The following RASSF8 variants were observed in gnomAD, a reference collection of about 807,000 sequenced individuals.
RASSF8 encodes the protein ras association domain-containing protein 8.
A neutral mutation model predicts 48.5 loss-of-function variants in RASSF8; 22 were observed. That is an observed-to-expected ratio of 0.45 (90% CI 0.32 to 0.65). The LOEUF is 0.65. Ranked by LOEUF, RASSF8 falls within the 30% of genes least tolerant of loss-of-function variation. The pLI, the probability that RASSF8 is intolerant of heterozygous loss-of-function variation, is 0.03. For missense variants in RASSF8, 418 were observed against 489.2 expected (o/e 0.85, Z 1.37); for synonymous variants, 127 against 171.5 (o/e 0.74, Z 2.03).
At chr12:25,979,054 A>G (rs976599613) in intron 1 of RASSF8, among the ~76,000 whole-genome samples, 2 of 152,190 alleles carry the variant, frequency 1.3e-5, no homozygotes, top group African/African-American at 4.8e-5. Context: ...GATATTACCT[A>G]GAAGGCAGTA....
intron 3 of RASSF8, 122 bp from the exon 4 acceptor site, chr12:26,064,376 A>G: frequency 1.1e-6 from 1 of 927,284 alleles, no homozygotes; most frequent in Non-Finnish European, 1.6e-6. Context: ...AACCTGAACT[A>G]GACTCAAACT....
At chr12:25,959,599 A>G (rs1010876903) in intron 1 of RASSF8, 4 of 152,238 alleles carry the variant, frequency 2.6e-5, no homozygotes, top group African/African-American at 9.6e-5. Context: ...ATTTCATTTG[A>G]ACTATTAACC....
intron 3 of RASSF8, 142 bp downstream of exon 3, chr12:26,055,588 G>T: frequency 2.8e-6 from 2 of 724,996 alleles, no homozygotes; most frequent in South Asian, 1.7e-5. Context: ...ACTTATTACA[G>T]TTTGCCTGTG....
Position 26,072,264 on chromosome 12 carries a change from A to G in RASSF8, c.*3446A>G, listed in dbSNP as rs575890021. On this transcript the variant is annotated 3_prime_UTR_variant, in exon 6 of 6. Transcript: ENST00000689635. ...TCAGTTTTTTAAGTTGCATGTTTAT[A>G]CTATTTGCTACAGTATTTTTAAGTT... 9.2e-5 allele frequency: 90 copies of G among 978,012 alleles called. No individual in the cohort carries two copies. The highest frequency in any genetic ancestry group is 6.7e-5 in the Non-Finnish European group (55 of 823,296). The allele number at this position is 978,012 out of a possible 1,614,324, so 60.6% of individuals were successfully genotyped here.
At chr12:26,016,883 T>A (rs1332388416) in intron 2 of RASSF8, among the ~76,000 whole-genome samples, 4 of 152,188 alleles carry the variant, frequency 2.6e-5, no homozygotes, top group Non-Finnish European at 4.4e-5. Context: ...TTAGTTGAGA[T>A]CTTTTTCTTT....
chr12:25,996,202 G>A (rs948785353), intron 2 of RASSF8, among the ~76,000 whole-genome samples: 18 of 152,078 alleles, frequency 1.2e-4, no homozygotes, highest in Admixed American at 2.0e-4. Context: ...TTATATCCAC[G>A]TGAGAGTCAA....
chr12:26,073,317 C>T (rs1283561287), downstream of RASSF8, among the ~76,000 whole-genome samples: 1 of 152,180 alleles, frequency 6.6e-6, no homozygotes, highest in East Asian at 1.9e-4. Context: ...TTCTGTATTC[C>T]ATGGTAGAGA....
At position 26,072,605 on chromosome 12, in the gene RASSF8, G is replaced by A; in HGVS notation, c.*3787G>A. On this transcript the variant is annotated 3_prime_UTR_variant, in exon 6 of 6. Coordinates refer to ENST00000689635, the MANE Select transcript of RASSF8 (RefSeq NM_001394098.1). ...TAGCCCTAAATGTATTTCTCAATAT[G>A]TTTTTCTTTATTGACCCTAGGAGGA... 1 of 985,196 alleles carries A rather than the reference G, an allele frequency of 1.0e-6. No homozygotes were observed. The highest frequency in any genetic ancestry group is 4.7e-5 in the South Asian group (1 of 21,280). 61.0% of individuals were successfully genotyped at this position (985,196 alleles called of 1,614,324 possible). A position where few individuals can be genotyped will look rare whatever the true frequency, so the allele number is the denominator to read the frequency against.
Position 25,962,375 on chromosome 12 carries a change from T to G in RASSF8, c.-203+3227T>G, listed in dbSNP as rs1592207304. On this transcript the variant is annotated intron_variant, in intron 1 of 5. Coordinates refer to ENST00000689635, the MANE Select transcript of RASSF8 (RefSeq NM_001394098.1). ...AGCCCACCCTTATCGTCATGCGAATTAAATGTCCTTTATTTTCTCCCTCAT... is the reference window on the plus strand; with the variant it reads ...AGCCCACCCTTATCGTCATGCGAATGAAATGTCCTTTATTTTCTCCCTCAT... Among the ~76,000 whole-genome samples, 4 of 152,360 alleles carry G rather than the reference T, an allele frequency of 2.6e-5. No homozygotes were observed. In the South Asian group the frequency reaches 8.3e-4, roughly 32 times the overall value.
chr12:25,994,225 G>A (rs1942078773), intron 1 of RASSF8, among the ~76,000 whole-genome samples: 1 of 151,828 alleles, frequency 6.6e-6, no homozygotes, highest in Admixed American at 6.6e-5. Context: ...TTAACATTTG[G>A]GGGCGGTATT....
At chr12:26,061,918 G>A (rs1380481259) in intron 3 of RASSF8, among the ~76,000 whole-genome samples, 1 of 152,116 alleles carries the variant, frequency 6.6e-6, no homozygotes, top group African/African-American at 2.4e-5. Context: ...GCCAATACTG[G>A]CAGTAAAAGC....
Position 26,072,120 on chromosome 12 carries a change from T to C in RASSF8, c.*3302T>C. On this transcript the variant is annotated 3_prime_UTR_variant, in exon 6 of 6. Transcript: ENST00000689635. Reference sequence around the variant, plus strand: ...AGTTCCCATTGTGCATTGCCTTTGATAAATTTGGCCTTAATTTATATAACG... The same window carrying C: ...AGTTCCCATTGTGCATTGCCTTTGACAAATTTGGCCTTAATTTATATAACG... 5.1e-6 allele frequency: 5 copies of C among 985,312 alleles called. No individual in the cohort carries two copies. Among genetic ancestry groups the C allele is most frequent in the Non-Finnish European group, 4.8e-6 (4 of 829,774 alleles). The allele number at this position is 985,312 out of a possible 1,614,324, so 61.0% of individuals were successfully genotyped here.
chr12:26,079,646 A>C (rs918046487), exon 6 of RASSF8: 8 of 152,156 alleles, frequency 5.3e-5, no homozygotes, highest in African/African-American at 1.4e-4. Flanking sequence ...GCCAACAGGT[A>C]TATGAAAAAG....
intron 2 of RASSF8, among the ~76,000 whole-genome samples, chr12:26,048,950 G>T (rs550960273): frequency 6.6e-6 from 1 of 152,116 alleles, no homozygotes; most frequent in South Asian, 2.1e-4. Context: ...TAGAGACGGG[G>T]TTTCACCATA....
chr12:26,056,042 G>T (rs1226749186), intron 3 of RASSF8, among the ~76,000 whole-genome samples: 1 of 152,036 alleles, frequency 6.6e-6, no homozygotes, highest in Admixed American at 6.6e-5. Context: ...AAAATTAGCC[G>T]GGCGTGGTGG....
At chr12:25,964,526 C>T (rs1941312467) in intron 1 of RASSF8, among the ~76,000 whole-genome samples, 1 of 152,094 alleles carries the variant, frequency 6.6e-6, no homozygotes, top group South Asian at 2.1e-4. Context: ...TATATTTGGT[C>T]ACTGTTGTTA....
chr12:26,010,224 G>GT (rs1333495079), intron 2 of RASSF8, among the ~76,000 whole-genome samples: 1 of 152,200 alleles, frequency 6.6e-6, no homozygotes, highest in East Asian at 1.9e-4. Flanking sequence ...CCAGCAAAGG[G>GT]TTTGAGTTTT....
At chr12:25,998,349 C>CTT (rs34094399) in intron 2 of RASSF8, among the ~76,000 whole-genome samples, 9 of 131,034 alleles carry the variant, frequency 6.9e-5, no homozygotes, top group East Asian at 2.2e-4. Context: ...GAAGACAAAG[C>CTT]TTTTTTTTTT....
At chr12:26,001,373 T>C (rs1301104065) in intron 2 of RASSF8, among the ~76,000 whole-genome samples, 1 of 151,982 alleles carries the variant, frequency 6.6e-6, no homozygotes, top group Non-Finnish European at 1.5e-5. Context: ...CTATTAACAA[T>C]TTTTATTCTT....
Sources: gnomAD v4.1 joint callset for allele counts (sites outside exome capture counted in the v4.1 genomes callset) on GRCh38, gnomAD v4.1.1 for gene constraint, MANE v1.5 for transcripts, NCBI Gene and HGNC (gene_info 2026-07-23, HGNC 2026-07-21) for gene names.